Variants in MITF observed in about 807,000 individuals in gnomAD.
MITF encodes the protein melanocyte inducing transcription factor.
MITF carries 17 observed loss-of-function variants against 60.5 expected under a neutral mutation model. The ratio of observed to expected loss-of-function variants is 0.28; its 90% CI spans 0.19 to 0.42. The LOEUF (loss-of-function observed/expected upper bound fraction) is 0.42, where lower values mean the gene tolerates loss of function less well. Ranked by LOEUF, MITF falls within the 10% of genes least tolerant of loss-of-function variation. The pLI is 1.00. For missense variants in MITF, 622 were observed against 683.5 expected (o/e 0.91, Z 1.00); for synonymous variants, 260 against 248.5 (o/e 1.05, Z -0.43).
chr3:69,854,249 A>G (rs2063877131), intron 1 of MITF, among the ~76,000 whole-genome samples: 1 of 152,192 alleles, frequency 6.6e-6, no homozygotes, highest in Admixed American at 6.5e-5. Flanking sequence ...CCATAGACTT[A>G]AAACTTTTTG....
chr3:69,939,679 A>G (rs978384790), intron 4 of MITF, among the ~76,000 whole-genome samples: 2 of 152,142 alleles, frequency 1.3e-5, no homozygotes, highest in East Asian at 3.9e-4. Context: ...AAATTATGCT[A>G]TATCTATTTA....
chr3:69,880,851 T>C (rs2064471094), intron 2 of MITF, among the ~76,000 whole-genome samples: 1 of 152,080 alleles, frequency 6.6e-6, no homozygotes, highest in Non-Finnish European at 1.5e-5. Context: ...CTTTATAATC[T>C]GTAGGGCAAA....
At chr3:69,899,645 C>G (rs1457999375) in intron 2 of MITF, among the ~76,000 whole-genome samples, 1 of 152,168 alleles carries the variant, frequency 6.6e-6, no homozygotes, top group Non-Finnish European at 1.5e-5. Flanking sequence ...ACCTCCAGCT[C>G]AGATATAACT....
In MITF at chr3:69,765,022, C is replaced by T. The variant is rs372632117; in HGVS notation, c.104+25321C>T. 3.4e-4 allele frequency among the ~76,000 whole-genome samples: 51 copies of T among 152,190 alleles called. No individual in the cohort carries two copies. The South Asian group carries it at 4.8e-3, about 14-fold the overall frequency. ...GAGTTCTCTGGGCTCCTGTGCTGGA[C>T]GCTGGAAGCCATCTGGAAGTGTGCA... On this transcript the variant is annotated intron_variant, in intron 1 of 9. Coordinates refer to ENST00000352241, the MANE Select transcript of MITF (RefSeq NM_001354604.2).
intron 2 of MITF, chr3:69,936,489 C>T: frequency 6.8e-6 from 6 of 879,978 alleles, no homozygotes; most frequent in African/African-American, 3.5e-5. Context: ...AGACCAAACT[C>T]GTAGGGCTTC....
intron 2 of MITF, among the ~76,000 whole-genome samples, chr3:69,892,973 A>G (rs2064792935): frequency 1.3e-5 from 2 of 152,186 alleles, no homozygotes; most frequent in African/African-American, 2.4e-5. Flanking sequence ...AAATAAAACA[A>G]ACGGTCATTT....
At chr3:69,864,877 A>G (rs984075207) in intron 1 of MITF, among the ~76,000 whole-genome samples, 3 of 151,796 alleles carry the variant, frequency 2.0e-5, no homozygotes, top group Non-Finnish European at 4.4e-5. Flanking sequence ...CCTCTCCCCA[A>G]CTCAGATCTC....
chr3:69,948,620 GA>G (rs2066160796), intron 5 of MITF, among the ~76,000 whole-genome samples: 1 of 151,766 alleles, frequency 6.6e-6, no homozygotes, highest in African/African-American at 2.4e-5. Context: ...GAGAAGGAAG[GA>G]ACAAAATTAA....
At position 69,868,829 on chromosome 3, in the gene MITF, G is replaced by A. The variant is rs186270636; in HGVS notation, c.105-10305G>A. Among the ~76,000 whole-genome samples, 3 of 151,666 alleles carry A rather than the reference G, an allele frequency of 2.0e-5. No individual in the cohort carries two copies. In the East Asian group the frequency reaches 5.8e-4, roughly 29 times the overall value. On this transcript the variant is annotated intron_variant, in intron 1 of 9. Transcript: ENST00000352241. The stretch of plus-strand genomic sequence containing the variant: ...AAGGAGAATTGCTTGAACCTGGGAG[G>A]TGGAGGTTGCAGTAAGCCAAGATCG...
chr3:69,897,929 A>G (rs1467979021), intron 2 of MITF, among the ~76,000 whole-genome samples: 1 of 152,222 alleles, frequency 6.6e-6, no homozygotes, highest in Non-Finnish European at 1.5e-5. Context: ...AAGATGTTGA[A>G]TGGGAGTTGA....
At chr3:69,790,121 T>A (rs2062716485) in intron 1 of MITF, among the ~76,000 whole-genome samples, 1 of 152,136 alleles carries the variant, frequency 6.6e-6, no homozygotes, top group Non-Finnish European at 1.5e-5. Context: ...TCATATGCCA[T>A]GCTACAACAT....
chr3:69,796,925 A>G (rs1445899592), intron 1 of MITF, among the ~76,000 whole-genome samples: 2 of 152,240 alleles, frequency 1.3e-5, no homozygotes, highest in Non-Finnish European at 2.9e-5. Flanking sequence ...TGGTTAAAGC[A>G]GAAGCACCAA....
intron 2 of MITF, among the ~76,000 whole-genome samples, chr3:69,889,163 C>T (rs2064701077): frequency 6.7e-6 from 1 of 149,328 alleles, no homozygotes; most frequent in Admixed American, 6.9e-5. Context: ...AGTATCCAAG[C>T]ACTGTAGTGC....
intron 1 of MITF, among the ~76,000 whole-genome samples, chr3:69,843,964 A>T (rs113271527): frequency 4.0e-5 from 6 of 151,578 alleles, no homozygotes; most frequent in Non-Finnish European, 8.8e-5. Flanking sequence ...TCATTGTTCA[A>T]CTCCCACTTA....
rs769951537 is a variant in MITF, at chr3:69,965,269, T to G, written c.*21T>G. 6.2e-7 allele frequency: 1 copy of G among 1,608,658 alleles called. No homozygotes were observed. Among genetic ancestry groups the G allele is most frequent in the East Asian group, 2.2e-5 (1 of 44,694 alleles). On this transcript the variant is annotated 3_prime_UTR_variant, in exon 10 of 10. Transcript: ENST00000352241. Reference sequence around the variant, plus strand: ...GTTAGCGAATCCTCCCTGCACTGCATTCGCACAAACTGCTTCCTTTCTTGA... The same window carrying G: ...GTTAGCGAATCCTCCCTGCACTGCAGTCGCACAAACTGCTTCCTTTCTTGA...
chr3:69,845,687 C>T (rs975284246), intron 1 of MITF, among the ~76,000 whole-genome samples: 1 of 152,136 alleles, frequency 6.6e-6, no homozygotes, highest in African/African-American at 2.4e-5. Context: ...TTCCTTACCT[C>T]CCCCATTGCC....
At chr3:69,866,355 A>G (rs1282623988) in intron 1 of MITF, 2 of 1,613,730 alleles carry the variant, frequency 1.2e-6, no homozygotes, top group Admixed American at 3.3e-5. Flanking sequence ...CTGTAAGTGA[A>G]GTTTTATTCT....
chr3:69,937,902 C>G lies in MITF; in HGVS notation c.435C>G (p.Thr145=), dbSNP rs752712909. ...AGCAGGTAAAGCAGTACCTTTCTACCACTTTAGCAAATAAACATGCCAACC... is the reference window on the plus strand; with the variant it reads ...AGCAGGTAAAGCAGTACCTTTCTACGACTTTAGCAAATAAACATGCCAACC... ...QRQQVKQYLS[T]TLANKHANQV... is the part of the protein sequence containing the mutation. The change falls in exon 3 of 10, where the codon ACC becomes ACG. Residue 145 remains threonine, a synonymous_variant. Coordinates refer to ENST00000352241, the MANE Select transcript of MITF (RefSeq NM_001354604.2). The G allele has an allele frequency of 6.2e-7, 1 of 1,614,118 alleles. No homozygotes were observed. Among genetic ancestry groups the G allele is most frequent in the East Asian group, 2.2e-5 (1 of 44,834 alleles).
At chr3:69,951,920 A>G (rs2066266003) in intron 7 of MITF, 34 bp downstream of exon 7, 1 of 1,456,248 alleles carries the variant, frequency 6.9e-7, no homozygotes, top group Non-Finnish European at 9.6e-7. Context: ...ATGACATTTG[A>G]TATTAATGTT....
Sources: allele counts gnomAD v4.1 joint callset (sites outside exome capture counted in the v4.1 genomes callset), GRCh38; gene constraint gnomAD v4.1.1; transcripts MANE v1.5; gene names NCBI Gene and HGNC (gene_info 2026-07-23, HGNC 2026-07-21).